Variants in EPHB1 observed in about 807,000 individuals in gnomAD.
EPHB1 encodes EPH receptor B1, also known as ephrin type-B receptor 1.
A neutral mutation model predicts 94.4 loss-of-function variants in EPHB1; 30 were observed. The observed-to-expected ratio is 0.32, with a 90% CI of 0.24 to 0.43. The LOEUF is 0.43. Ranked by LOEUF, EPHB1 falls within the 20% of genes least tolerant of loss-of-function variation. EPHB1 has a pLI of 1.00. For synonymous variants in EPHB1, 522 were observed against 489.1 expected, an observed-to-expected ratio of 1.07 and a Z score of -0.89; for missense variants, 1,055 against 1,308.3, an observed-to-expected ratio of 0.81 and a Z score of 2.99.
At chr3:134,838,637 A>G (rs1400393770) in intron 1 of EPHB1, among the ~76,000 whole-genome samples, 2 of 152,194 alleles carry the variant, frequency 1.3e-5, no homozygotes, top group East Asian at 3.8e-4. Context: ...CTTCTCTTAA[A>G]AAAATCCTTC....
chr3:135,166,405 AACCCATCCTCC>A, intron 8 of EPHB1, among the ~76,000 whole-genome samples: 1 of 152,312 alleles, frequency 6.6e-6, no homozygotes. Context: ...GCCTGTGCAT[AACCCATCCTCC>A]AGTTAAGAGA....
At chr3:134,819,791 C>G (rs1198549121) in intron 1 of EPHB1, among the ~76,000 whole-genome samples, 1 of 152,188 alleles carries the variant, frequency 6.6e-6, no homozygotes, top group Non-Finnish European at 1.5e-5. Flanking sequence ...TTTTGTCTGC[C>G]TGGGAGGCCT....
At chr3:135,115,387 A>G (rs1356827347) in intron 4 of EPHB1, among the ~76,000 whole-genome samples, 1 of 152,090 alleles carries the variant, frequency 6.6e-6, no homozygotes, top group East Asian at 1.9e-4. Context: ...TTCACCTCTA[A>G]GGCGAAGGCA....
chr3:135,249,622 A>G (rs1932981006), intron 15 of EPHB1, 131 bp downstream of exon 15: 1 of 1,094,360 alleles, frequency 9.1e-7, no homozygotes, highest in Non-Finnish European at 1.3e-6. Context: ...CCAGGCCTGG[A>G]TGGGGAGCAC....
chr3:134,872,711 A>G (rs1488726024), intron 1 of EPHB1, among the ~76,000 whole-genome samples: 1 of 152,198 alleles, frequency 6.6e-6, no homozygotes, highest in African/African-American at 2.4e-5. Context: ...CTTTCCATAA[A>G]TTATAATGAA....
At chr3:134,927,049 C>G (rs536318040) in intron 2 of EPHB1, among the ~76,000 whole-genome samples, 6 of 152,234 alleles carry the variant, frequency 3.9e-5, no homozygotes, top group African/African-American at 1.4e-4. Flanking sequence ...TGGGAGTGCT[C>G]TCTTCATCCC....
chr3:135,157,383 C>T (rs372743340), intron 6 of EPHB1, among the ~76,000 whole-genome samples: 107 of 152,338 alleles, frequency 7.0e-4, no homozygotes, highest in Middle Eastern at 6.8e-3. Context: ...AGCCCAAGCT[C>T]CTCTACTACC....
At chr3:134,890,159 T>A (rs1007402811) in intron 1 of EPHB1, among the ~76,000 whole-genome samples, 1 of 152,184 alleles carries the variant, frequency 6.6e-6, no homozygotes. Context: ...CCCACTGACT[T>A]TGACGTTTTG....
At chr3:135,183,804 T>A (rs1942255919) in intron 10 of EPHB1, among the ~76,000 whole-genome samples, 1 of 152,204 alleles carries the variant, frequency 6.6e-6, no homozygotes, top group South Asian at 2.1e-4. Flanking sequence ...GGGTAAGTAC[T>A]GAACACTAAA....
chr3:135,051,380 T>G (rs1016373098), intron 3 of EPHB1, among the ~76,000 whole-genome samples: 1 of 152,226 alleles, frequency 6.6e-6, no homozygotes, highest in East Asian at 1.9e-4. Flanking sequence ...CTTTGAAAAC[T>G]TAAAGCAAGA....
intron 1 of EPHB1, among the ~76,000 whole-genome samples, chr3:134,900,750 G>A (rs1011622035): frequency 2.6e-5 from 4 of 152,100 alleles, no homozygotes; most frequent in Non-Finnish European, 5.9e-5. Context: ...GGTGTATGTA[G>A]GTGTGAGGGG....
At chr3:135,166,895 T>C (rs1559858820) in intron 8 of EPHB1, 47 bp from the exon 9 acceptor site, 2 of 1,607,046 alleles carry the variant, frequency 1.2e-6, no homozygotes, top group East Asian at 2.2e-5. Context: ...TGGAACAGAC[T>C]GGTGGGTGTG....
At chr3:134,995,832 A>G (rs1462323895) in intron 3 of EPHB1, among the ~76,000 whole-genome samples, 2 of 152,254 alleles carry the variant, frequency 1.3e-5, no homozygotes, top group East Asian at 1.9e-4. Context: ...TTAAAAATGT[A>G]TATGTAATTC....
intron 3 of EPHB1, among the ~76,000 whole-genome samples, chr3:134,992,408 GAC>G (rs1326460286): frequency 6.6e-6 from 1 of 152,170 alleles, no homozygotes; most frequent in Non-Finnish European, 1.5e-5. Context: ...GTCCCAGGAC[GAC>G]ATTGCCAAGC....
At chr3:135,258,321 G>C (rs942714484) in intron 15 of EPHB1, among the ~76,000 whole-genome samples, 3 of 152,214 alleles carry the variant, frequency 2.0e-5, no homozygotes, top group Non-Finnish European at 2.9e-5. Context: ...AAATGAGATA[G>C]TGTATGGCAC....
rs188270015 is a variant in EPHB1 at position 135,127,703 on chromosome 3, C to G, written c.962-5011C>G. 9.2e-5 allele frequency among the ~76,000 whole-genome samples: 14 copies of G among 152,294 alleles called. No individual in the cohort carries two copies. In the East Asian group the frequency reaches 2.5e-3, roughly 27 times the overall value. On this transcript the variant is annotated intron_variant, in intron 4 of 15. Coordinates refer to ENST00000398015, the MANE Select transcript of EPHB1 (RefSeq NM_004441.5). ...ATGCCTGCAAATAAACTCACCCGCTCTCTCCCACACACCCTGTCTCACCAT... is the reference window on the plus strand; with the variant it reads ...ATGCCTGCAAATAAACTCACCCGCTGTCTCCCACACACCCTGTCTCACCAT...
At chr3:135,150,880 T>G (rs921277340) in intron 5 of EPHB1, among the ~76,000 whole-genome samples, 5 of 152,206 alleles carry the variant, frequency 3.3e-5, no homozygotes, top group Non-Finnish European at 5.9e-5. Flanking sequence ...CTAACAGGTC[T>G]GAAGTGGAGC....
intron 3 of EPHB1, among the ~76,000 whole-genome samples, chr3:135,018,526 G>A (rs1476519316): frequency 2.6e-5 from 4 of 152,206 alleles, no homozygotes; most frequent in South Asian, 2.1e-4. Flanking sequence ...AGCACCCACC[G>A]ATCTCCTCCA....
At chr3:134,941,756 C>CACACAG (rs1553868989) in intron 2 of EPHB1, among the ~76,000 whole-genome samples, 1 of 65,674 alleles carries the variant, frequency 1.5e-5, no homozygotes, top group Non-Finnish European at 3.2e-5. Context: ...CACACAGACA[C>CACACAG]ACACACACAC....
Sources: gnomAD v4.1 joint callset for allele counts (sites outside exome capture counted in the v4.1 genomes callset) on GRCh38, gnomAD v4.1.1 for gene constraint, MANE v1.5 for transcripts, NCBI Gene and HGNC (gene_info 2026-07-23, HGNC 2026-07-21) for gene names.